The following PTPRK variants were observed in gnomAD, a reference collection of about 807,000 sequenced individuals.
The protein encoded by PTPRK is receptor-type tyrosine-protein phosphatase kappa.
PTPRK carries 75 observed loss-of-function variants against 178.0 expected under a neutral mutation model. That is an observed-to-expected ratio of 0.42 (90% CI 0.35 to 0.51). The LOEUF is 0.51. PTPRK is among the 20% of genes least tolerant of loss of function. The pLI, the probability that PTPRK is intolerant of heterozygous loss-of-function variation, is 0.02. For missense variants in PTPRK, 1,441 were observed against 1,797.8 expected, an observed-to-expected ratio of 0.80 and a Z score of 3.59; for synonymous variants, 637 against 620.6, an observed-to-expected ratio of 1.03 and a Z score of -0.39.
intron 2 of PTPRK, among the ~76,000 whole-genome samples, chr6:128,342,501 T>G (rs1831804145): frequency 6.6e-6 from 1 of 151,984 alleles, no homozygotes; most frequent in South Asian, 2.1e-4. Context: ...CCAAGGAGGA[T>G]TAAAGCCAGG....
chr6:128,043,409 G>A (rs1582684426), intron 13 of PTPRK, among the ~76,000 whole-genome samples: 1 of 151,512 alleles, frequency 6.6e-6, no homozygotes, highest in East Asian at 1.9e-4. Flanking sequence ...CATAGGAAGA[G>A]GGCATTGACT....
intron 3 of PTPRK, among the ~76,000 whole-genome samples, chr6:128,286,635 A>T (rs1387285718): frequency 6.6e-6 from 1 of 151,870 alleles, no homozygotes; most frequent in South Asian, 2.1e-4. Context: ...GTTTCCATGG[A>T]TTGTTTCCCA....
chr6:128,007,134 A>C (rs1778528018), intron 14 of PTPRK, among the ~76,000 whole-genome samples: 1 of 150,862 alleles, frequency 6.6e-6, no homozygotes, highest in Admixed American at 6.6e-5. Flanking sequence ...CAATGCTGCT[A>C]TATCTATACT....
intron 8 of PTPRK, among the ~76,000 whole-genome samples, chr6:128,087,514 A>G (rs1429526788): frequency 6.6e-6 from 1 of 152,110 alleles, no homozygotes; most frequent in African/African-American, 2.4e-5. Flanking sequence ...TGAAACAATT[A>G]CCCCTAATCA....
chr6:128,245,229 G>A (rs1001503944), intron 3 of PTPRK, among the ~76,000 whole-genome samples: 1 of 151,952 alleles, frequency 6.6e-6, no homozygotes, highest in African/African-American at 2.4e-5. Context: ...CTGCCTCTAG[G>A]TTGCTTTTGA....
At chr6:128,343,185 G>T (rs1831913640) in intron 2 of PTPRK, among the ~76,000 whole-genome samples, 1 of 152,002 alleles carries the variant, frequency 6.6e-6, no homozygotes, top group Non-Finnish European at 1.5e-5. Context: ...TAAGACAGAT[G>T]ATATATATAT....
intron 1 of PTPRK, among the ~76,000 whole-genome samples, chr6:128,508,969 A>C (rs1261743100): frequency 6.6e-6 from 1 of 151,950 alleles, no homozygotes; most frequent in Admixed American, 6.6e-5. Context: ...AGAAAAGAAA[A>C]GAAAAGAAAA....
chr6:128,467,548 G>C (rs369827565), intron 1 of PTPRK, among the ~76,000 whole-genome samples: 1 of 152,140 alleles, frequency 6.6e-6, no homozygotes, highest in South Asian at 2.1e-4. Flanking sequence ...TCACCAACGC[G>C]AAGCATGTTT....
chr6:128,252,235 T>A (rs1353919481), intron 3 of PTPRK, among the ~76,000 whole-genome samples: 2 of 152,188 alleles, frequency 1.3e-5, no homozygotes, highest in African/African-American at 4.8e-5. Flanking sequence ...GAGTTGGCTA[T>A]CCCTAATGTA....
intron 1 of PTPRK, among the ~76,000 whole-genome samples, chr6:128,413,230 G>T (rs919956485): frequency 6.6e-6 from 1 of 152,094 alleles, no homozygotes; most frequent in Non-Finnish European, 1.5e-5. Context: ...GGAAGAGAAA[G>T]GAAATATCAA....
chr6:128,297,788 T>G (rs1824759426), intron 3 of PTPRK, among the ~76,000 whole-genome samples: 1 of 152,020 alleles, frequency 6.6e-6, no homozygotes, highest in South Asian at 2.1e-4. Context: ...GATCCAAAAT[T>G]GACACCCTAA....
chr6:128,294,908 C>T (rs1295248213), intron 3 of PTPRK, among the ~76,000 whole-genome samples: 1 of 149,338 alleles, frequency 6.7e-6, no homozygotes, highest in Non-Finnish European at 1.5e-5. Flanking sequence ...GAGGGCTGAC[C>T]AACTCAAAAA....
chr6:128,198,826 A>C (rs1283900950), intron 6 of PTPRK, among the ~76,000 whole-genome samples: 2 of 152,188 alleles, frequency 1.3e-5, no homozygotes, highest in East Asian at 3.9e-4. Context: ...CTCTTCACTT[A>C]CTGACTTTCT....
chr6:127,999,767 C>A (rs9398863), intron 15 of PTPRK, among the ~76,000 whole-genome samples: 138,402 of 152,030 alleles, frequency 0.91, 63,077 homozygotes, highest in East Asian at 1. Flanking sequence ...TTCTGAACAC[C>A]CAGTACAGAG....
At chr6:128,041,762 A>G (rs1287507467) in intron 13 of PTPRK, among the ~76,000 whole-genome samples, 1 of 151,730 alleles carries the variant, frequency 6.6e-6, no homozygotes, top group Non-Finnish European at 1.5e-5. Flanking sequence ...ATGTGTGTAT[A>G]TGTGTGACTG....
intron 1 of PTPRK, among the ~76,000 whole-genome samples, chr6:128,454,317 A>G (rs190938260): frequency 6.6e-6 from 1 of 152,310 alleles, no homozygotes; most frequent in East Asian, 1.9e-4. Context: ...AGACCAAGAC[A>G]GTTCAGATGC....
In PTPRK at chr6:128,089,867, G is replaced by A. The variant is rs1786620281; in HGVS notation, c.1288C>T (p.His430Tyr). 5 of 1,613,872 alleles carry A rather than the reference G, an allele frequency of 3.1e-6. No individual in the cohort carries two copies. Among genetic ancestry groups the A allele is most frequent in the Non-Finnish European group, 4.2e-6 (5 of 1,179,908 alleles). Reference sequence around the variant, plus strand: ...CTCTCGTTGTGACCACGGAAGTAATGGTAGCAGATAGTGACATTAAAAGTG... The same window carrying A: ...CTCTCGTTGTGACCACGGAAGTAATAGTAGCAGATAGTGACATTAAAAGTG... ...CHTFNVTICY[H>Y]YFRGHNESKA... Residue 430 changes from histidine to tyrosine, a missense_variant, in exon 8 of 30, where the codon CAT becomes TAT. By Grantham distance (83) the His-to-Tyr change is moderately conservative. Transcript: ENST00000368226.
intron 2 of PTPRK, among the ~76,000 whole-genome samples, chr6:128,365,573 G>A (rs1030308524): frequency 1.3e-5 from 2 of 152,074 alleles, no homozygotes; most frequent in African/African-American, 4.8e-5. Context: ...ATACTAACAT[G>A]CTATAAGTTC....
intron 2 of PTPRK, among the ~76,000 whole-genome samples, chr6:128,373,187 T>G (rs1366610389): frequency 6.6e-6 from 1 of 152,220 alleles, no homozygotes; most frequent in East Asian, 1.9e-4. Flanking sequence ...TTCTATATAC[T>G]ATTTAAATAA....
Sources: gnomAD v4.1 joint callset for allele counts (sites outside exome capture counted in the v4.1 genomes callset) on GRCh38, gnomAD v4.1.1 for gene constraint, MANE v1.5 for transcripts, NCBI Gene and HGNC (gene_info 2026-07-23, HGNC 2026-07-21) for gene names.